The following COG5 variants were observed in gnomAD, a reference collection of about 807,000 sequenced individuals.
COG5 encodes component of oligomeric golgi complex 5, also known as conserved oligomeric Golgi complex subunit 5.
Under a neutral mutation model 110.4 loss-of-function variants are expected in COG5, and 86 were observed. The ratio of observed to expected loss-of-function variants is 0.78; its 90% confidence interval spans 0.65 to 0.93. The LOEUF (loss-of-function observed/expected upper bound fraction) is 0.93. Ranked by LOEUF, COG5 falls within the 40% of genes least tolerant of loss-of-function variation. The pLI, the probability that COG5 is intolerant of heterozygous loss-of-function variation, is 0.00. For synonymous variants in COG5, 360 were observed against 334.6 expected (o/e 1.08, Z -0.83); for missense variants, 1,077 against 987.0 (o/e 1.09, Z -1.22).
chr7:107,331,625 G>A (rs2129031105), intron 10 of COG5, among the ~76,000 whole-genome samples: 1 of 152,130 alleles, frequency 6.6e-6, no homozygotes, highest in South Asian at 2.1e-4. Flanking sequence ...GAGTAAGAGT[G>A]GGCAGCAGGA....
At chr7:107,380,301 A>G (rs1815001530) in intron 7 of COG5, among the ~76,000 whole-genome samples, 1 of 152,190 alleles carries the variant, frequency 6.6e-6, no homozygotes. Flanking sequence ...GAAGACAAGA[A>G]ATAACTAACA....
In COG5 at chr7:107,333,320, C is replaced by T. The variant is rs558580595; in HGVS notation, c.1027-8799G>A. 5.3e-4 allele frequency among the ~76,000 whole-genome samples: 81 copies of T among 152,226 alleles called. No homozygotes were observed. The South Asian group carries it at 0.016, about 31-fold the overall frequency. On this transcript the variant is annotated intron_variant, in intron 10 of 21. Transcript: ENST00000297135. ...TTCGAGGGGAAACATTTTGCTGTCT[C>T]ATTACAAAGAAGAAAGCTATGGAAA...
chr7:107,548,818 C>T (rs1802661634), intron 3 of COG5, among the ~76,000 whole-genome samples: 1 of 152,154 alleles, frequency 6.6e-6, no homozygotes, highest in Non-Finnish European at 1.5e-5. Flanking sequence ...ACTCTCTAGG[C>T]TTACAACATG....
intron 7 of COG5, among the ~76,000 whole-genome samples, chr7:107,380,352 T>TA (rs920675083): frequency 2.3e-4 from 35 of 150,562 alleles, no homozygotes; most frequent in East Asian, 1.4e-3. Context: ...GAAAAACCCT[T>TA]AAAAAAAAAT....
At chr7:107,388,331 C>T (rs1584761198) in intron 7 of COG5, among the ~76,000 whole-genome samples, 1 of 152,278 alleles carries the variant, frequency 6.6e-6, no homozygotes, top group Non-Finnish European at 1.5e-5. Context: ...AGAATCAACC[C>T]GGTATGTCAT....
chr7:107,348,571 G>C (rs1272753661), intron 10 of COG5, among the ~76,000 whole-genome samples: 1 of 152,042 alleles, frequency 6.6e-6, no homozygotes, highest in Non-Finnish European at 1.5e-5. Context: ...TTAAAAATTA[G>C]CATAAAGTTT....
intron 8 of COG5, among the ~76,000 whole-genome samples, chr7:107,368,743 CTACTT>C (rs766273806): frequency 6.6e-6 from 1 of 152,140 alleles, no homozygotes; most frequent in African/African-American, 2.4e-5. Flanking sequence ...TCTGTGTTGT[CTACTT>C]TGCTTCATCA....
chr7:107,496,030 C>T (rs1283102645), intron 6 of COG5, among the ~76,000 whole-genome samples: 1 of 151,886 alleles, frequency 6.6e-6, no homozygotes, highest in African/African-American at 2.4e-5. Context: ...GATCCTCCCA[C>T]CTTAGCCTCC....
chr7:107,217,813 G>A (rs1423861090), intron 19 of COG5, among the ~76,000 whole-genome samples: 1 of 152,086 alleles, frequency 6.6e-6, no homozygotes, highest in Non-Finnish European at 1.5e-5. Flanking sequence ...AGACAAAGAT[G>A]TCCACTGTCA....
rs534992157 is a variant in COG5, at chr7:107,332,631, A to C, written c.1027-8110T>G. Among the ~76,000 whole-genome samples the C allele has an allele frequency of 1.2e-4, 19 of 152,242 alleles. No individual in the cohort carries two copies. In the East Asian group the frequency reaches 3.5e-3, roughly 28 times the overall value. On this transcript the variant is annotated intron_variant, in intron 10 of 21. Coordinates refer to ENST00000297135, the MANE Select transcript of COG5 (RefSeq NM_006348.5). ...CATGGTCTGAGAAGTGGGCAGAAGG[A>C]TTTGGCATCTGGGTCACTAAGGTGC... is the stretch of plus-strand genomic sequence containing the variant.
chr7:107,218,030 C>A (rs1181629859), intron 19 of COG5, among the ~76,000 whole-genome samples: 1 of 151,968 alleles, frequency 6.6e-6, no homozygotes, highest in Non-Finnish European at 1.5e-5. Flanking sequence ...AAAATTAAGA[C>A]AAATCTAATC....
At chr7:107,524,072 T>A (rs1301394236) in intron 6 of COG5, among the ~76,000 whole-genome samples, 1 of 152,168 alleles carries the variant, frequency 6.6e-6, no homozygotes, top group Non-Finnish European at 1.5e-5. Context: ...CCAGCTATGA[T>A]CTATCAATGG....
intron 16 of COG5, among the ~76,000 whole-genome samples, chr7:107,250,838 G>C (rs1451230579): frequency 1.3e-5 from 2 of 151,872 alleles, no homozygotes; most frequent in Non-Finnish European, 2.9e-5. Flanking sequence ...AATCTCTCTG[G>C]AGAAGAGAAA....
intron 6 of COG5, among the ~76,000 whole-genome samples, chr7:107,510,372 A>C (rs1799404348): frequency 6.6e-6 from 1 of 152,270 alleles, no homozygotes; most frequent in South Asian, 2.1e-4. Context: ...TATGCACCTA[A>C]TACAGGACAA....
intron 6 of COG5, among the ~76,000 whole-genome samples, chr7:107,461,640 T>C (rs1795995458): frequency 6.6e-6 from 1 of 152,158 alleles, no homozygotes; most frequent in Non-Finnish European, 1.5e-5. Flanking sequence ...TTTATTCAAA[T>C]ATAATTCTGT....
intron 6 of COG5, among the ~76,000 whole-genome samples, chr7:107,451,948 G>A (rs1441161166): frequency 6.6e-6 from 1 of 151,978 alleles, no homozygotes; most frequent in East Asian, 1.9e-4. Context: ...AGCAACCCTA[G>A]CCCCCACATT....
At chr7:107,424,827 A>G (rs1465796976) in intron 6 of COG5, among the ~76,000 whole-genome samples, 1 of 152,176 alleles carries the variant, frequency 6.6e-6, no homozygotes, top group Non-Finnish European at 1.5e-5. Flanking sequence ...CCAAAGAGCT[A>G]AACTTGATCA....
intron 6 of COG5, among the ~76,000 whole-genome samples, chr7:107,428,676 C>T (rs1196587008): frequency 6.6e-6 from 1 of 152,188 alleles, no homozygotes; most frequent in African/African-American, 2.4e-5. Context: ...GAAACTAAAA[C>T]ATCTTCTCTC....
chr7:107,261,915 G>C (rs1390368683), intron 14 of COG5, among the ~76,000 whole-genome samples: 2 of 146,614 alleles, frequency 1.4e-5, no homozygotes, highest in Admixed American at 1.4e-4. Flanking sequence ...TTTTTTTAAA[G>C]ATAGGCTCTC....
Sources: gnomAD v4.1 joint callset for allele counts (sites outside exome capture counted in the v4.1 genomes callset) on GRCh38, gnomAD v4.1.1 for gene constraint, MANE v1.5 for transcripts, NCBI Gene and HGNC (gene_info 2026-07-23, HGNC 2026-07-21) for gene names.